The following NGEF variants were observed in gnomAD, a reference collection of about 807,000 sequenced individuals.
The protein encoded by NGEF is neuronal guanine nucleotide exchange factor, also known as ephexin-1.
NGEF carries 31 observed loss-of-function variants against 80.9 expected under a neutral mutation model. That is an observed-to-expected ratio of 0.38 (90% CI 0.29 to 0.52). NGEF has a LOEUF of 0.52. NGEF is among the 20% of genes least tolerant of loss of function. The probability of loss-of-function intolerance (pLI) is 0.84; values close to 1 mark genes in which losing one functional copy is unlikely to be tolerated. For synonymous variants in NGEF, 371 were observed against 370.2 expected (o/e 1.00, Z -0.03); for missense variants, 709 against 926.2 (o/e 0.77, Z 3.04).
chr2:232,996,822 A>ATT (rs112371323), intron 1 of NGEF, among the ~76,000 whole-genome samples: 3 of 151,988 alleles, frequency 2.0e-5, no homozygotes, highest in Non-Finnish European at 4.4e-5. Context: ...TGGTTAAAAG[A>ATT]TTTTTTTAAA....
At chr2:232,890,743 C>T (rs1337259856) in intron 8 of NGEF, among the ~76,000 whole-genome samples, 3 of 152,168 alleles carry the variant, frequency 2.0e-5, no homozygotes, top group East Asian at 3.9e-4. Flanking sequence ...CCAGTGTAAC[C>T]CCTTCCCCGT....
chr2:232,913,589 T>TTTA (rs1274162158), intron 5 of NGEF, among the ~76,000 whole-genome samples: 2 of 152,196 alleles, frequency 1.3e-5, no homozygotes, highest in Non-Finnish European at 2.9e-5. Context: ...ATTGACTATA[T>TTTA]TTATATATAC....
At chr2:232,918,946 C>A (rs1036964888) in intron 5 of NGEF, among the ~76,000 whole-genome samples, 1 of 152,148 alleles carries the variant, frequency 6.6e-6, no homozygotes, top group African/African-American at 2.4e-5. Context: ...AGTTTCACAT[C>A]AGAAGTTTTA....
intron 1 of NGEF, among the ~76,000 whole-genome samples, chr2:232,981,507 C>T (rs4973058): frequency 0.62 from 94,220 of 151,808 alleles, 29,732 homozygotes; most frequent in East Asian, 0.88. Context: ...CTAAGATCAG[C>T]GCTTGAGATG....
In NGEF at chr2:232,974,642, C is replaced by A; in HGVS notation, c.249G>T (p.Arg83=). The A allele has an allele frequency of 6.2e-7, 1 of 1,613,996 alleles. No individual in the cohort carries two copies. Among genetic ancestry groups the A allele is most frequent in the Non-Finnish European group, 8.5e-7 (1 of 1,179,976 alleles). The change falls in exon 2 of 15, where the codon CGG becomes CGT. Residue 83 remains arginine (R), a synonymous_variant. Transcript: ENST00000264051. ...SKAKARDNPE[R]NASCLADSQD... ...ACTGACCTGCCAGGCAGCTGGCGTT[C>A]CGTTCGGGGTTGTCTCTGGCCTTGG...
intron 6 of NGEF, chr2:232,894,468 G>C (rs1353979186): frequency 3.8e-6 from 1 of 265,662 alleles, no homozygotes; most frequent in African/African-American, 2.2e-5. Flanking sequence ...TGAGAGAGCT[G>C]GACTCAGCGT....
intron 1 of NGEF, among the ~76,000 whole-genome samples, chr2:232,975,724 G>A (rs1196555913): frequency 2.0e-5 from 3 of 152,144 alleles, no homozygotes; most frequent in Non-Finnish European, 4.4e-5. Flanking sequence ...CTCTTAGTGG[G>A]TCTAAGCTGG....
Position 232,907,569 on chromosome 2 carries a change from C to T in NGEF, c.829-12653G>A, listed in dbSNP as rs544923348. On this transcript the variant is annotated intron_variant, in intron 5 of 14. Coordinates refer to ENST00000264051, the MANE Select transcript of NGEF (RefSeq NM_019850.3). ...AATCAGAGTGACACACTGAAGCCTG[C>T]GTGCTCACATTATTCAACTACGAAA... Among the ~76,000 whole-genome samples, 21 of 152,238 alleles carry T rather than the reference C, an allele frequency of 1.4e-4. No homozygotes were observed. In the East Asian group the frequency reaches 2.7e-3, roughly 20 times the overall value.
At chr2:232,954,378 A>T (rs1201770595) in intron 3 of NGEF, among the ~76,000 whole-genome samples, 2 of 152,162 alleles carry the variant, frequency 1.3e-5, no homozygotes, top group African/African-American at 4.8e-5. Context: ...AGTTGCCAGA[A>T]AATGACATTT....
Position 232,953,331 on chromosome 2 carries a change from G to GA in NGEF, c.383+16882dup, listed in dbSNP as rs1252685843. Among the ~76,000 whole-genome samples, 4 of 134,456 alleles carry GA rather than the reference G, an allele frequency of 3.0e-5. No homozygotes were observed. The South Asian group carries it at 7.3e-4, about 24-fold the overall frequency. 88.2% of individuals were successfully genotyped at this position (134,456 alleles called of 152,430 possible). On this transcript the variant is annotated intron_variant, in intron 3 of 14. Coordinates refer to ENST00000264051, the MANE Select transcript of NGEF (RefSeq NM_019850.3). ...AAAAAAAAAAAAAAAGAAAAAGAAAGAAAAAAAGGGAAAGAGAGAAAGAAA... is the reference window on the plus strand; with the variant it reads ...AAAAAAAAAAAAAAAGAAAAAGAAAGAAAAAAAAGGGAAAGAGAGAAAGAAA...
intron 1 of NGEF, among the ~76,000 whole-genome samples, chr2:232,982,084 T>G (rs1694442214): frequency 6.6e-6 from 1 of 152,080 alleles, no homozygotes. Context: ...CTGGGGGAGC[T>G]TCACTGGTCC....
intron 3 of NGEF, among the ~76,000 whole-genome samples, chr2:232,969,391 C>G (rs751972440): frequency 6.6e-6 from 1 of 150,640 alleles, no homozygotes; most frequent in Non-Finnish European, 1.5e-5. Flanking sequence ...ATTACAGGCA[C>G]AAGCTGCTCT....
At chr2:232,968,011 A>C (rs1694100248) in intron 3 of NGEF, among the ~76,000 whole-genome samples, 1 of 151,566 alleles carries the variant, frequency 6.6e-6, no homozygotes, top group African/African-American at 2.4e-5. Context: ...TGGGTCAGAG[A>C]TTGCTGTTGC....
intron 1 of NGEF, among the ~76,000 whole-genome samples, chr2:233,000,421 G>A (rs1455714572): frequency 6.6e-6 from 1 of 151,900 alleles, no homozygotes; most frequent in African/African-American, 2.4e-5. Flanking sequence ...TGAGGGTACT[G>A]ATTCCATCAT....
At chr2:232,897,825 G>C (rs926283947) in intron 5 of NGEF, among the ~76,000 whole-genome samples, 1 of 152,178 alleles carries the variant, frequency 6.6e-6, no homozygotes, top group Non-Finnish European at 1.5e-5. Flanking sequence ...AGCAGCCACA[G>C]CAAGCACACA....
rs1286031875 is a variant in NGEF at position 232,932,223 on chromosome 2, G to A, written c.384-5037C>T. Among the ~76,000 whole-genome samples the A allele has an allele frequency of 2.1e-5, 3 of 141,154 alleles. No individual in the cohort carries two copies. In the East Asian group the frequency reaches 6.2e-4, roughly 29 times the overall value. The allele number at this position is 141,154 out of a possible 152,430, so 92.6% of individuals were successfully genotyped here. A position where few individuals can be genotyped will look rare whatever the true frequency, so the allele number is the denominator to read the frequency against. On this transcript the variant is annotated intron_variant, in intron 3 of 14. Coordinates refer to ENST00000264051, the MANE Select transcript of NGEF (RefSeq NM_019850.3). ...TCTATTGCCCAGGCTGGAGTGCAGT[G>A]GCACGATTTTGGTTCACTGCAAGCT...
intron 5 of NGEF, among the ~76,000 whole-genome samples, chr2:232,909,515 T>C (rs1692648779): frequency 6.6e-6 from 1 of 152,184 alleles, no homozygotes; most frequent in African/African-American, 2.4e-5. Flanking sequence ...TTTTGTTAGG[T>C]CAAACACAAT....
chr2:232,958,137 G>A (rs1200366910), intron 3 of NGEF, among the ~76,000 whole-genome samples: 3 of 152,166 alleles, frequency 2.0e-5, no homozygotes, highest in Non-Finnish European at 4.4e-5. Flanking sequence ...GCACCCAAGC[G>A]AGGGATGCCA....
At chr2:232,928,936 C>T (rs1296445750) in intron 3 of NGEF, among the ~76,000 whole-genome samples, 1 of 152,010 alleles carries the variant, frequency 6.6e-6, no homozygotes, top group Non-Finnish European at 1.5e-5. Flanking sequence ...CTGGAGGTGC[C>T]TACGGGCCGA....
Sources: gnomAD v4.1 joint callset for allele counts (sites outside exome capture counted in the v4.1 genomes callset) on GRCh38, gnomAD v4.1.1 for gene constraint, MANE v1.5 for transcripts, NCBI Gene and HGNC (gene_info 2026-07-23, HGNC 2026-07-21) for gene names.